The following ADAD2 variants were observed in gnomAD, a reference collection of about 807,000 sequenced individuals.
ADAD2 encodes the protein adenosine deaminase domain-containing protein 2.
In ADAD2, 60 loss-of-function variants were observed where a neutral mutation model predicts 54.5. The ratio of observed to expected loss-of-function variants is 1.10; its 90% CI spans 0.89 to 1.36. The LOEUF (loss-of-function observed/expected upper bound fraction) is 1.36, where lower values mean the gene tolerates loss of function less well. ADAD2 is among the 40% of genes most tolerant of loss of function. The pLI, the probability that ADAD2 is intolerant of heterozygous loss-of-function variation, is 0.00. For missense variants in ADAD2, 1,103 were observed against 801.3 expected (o/e 1.38, Z -4.54); for synonymous variants, 543 against 366.2 (o/e 1.48, Z -5.51).
rs1396462792 is a variant in ADAD2, at chr16:84,191,604, C to G, written c.374C>G (p.Ala125Gly). The change falls in exon 1 of 10, where the codon GCC becomes GGC. Residue 125 changes from alanine to glycine, a missense_variant. By Grantham distance (60) the Ala-to-Gly change is moderately conservative (BLOSUM62 0). Transcript: ENST00000315906. ...GTGTCCTTGCTCACGGAGTACGCGG[C>G]CAGCCTGGGCATCTTCCTGCTCTTC... ...QAVSLLTEYA[A>G]SLGIFLLFRE... 2 of 1,552,578 alleles carry G rather than the reference C, an allele frequency of 1.3e-6. No individual in the cohort carries two copies. Among genetic ancestry groups the G allele is most frequent in the Non-Finnish European group, 1.7e-6 (2 of 1,148,328 alleles).
chr16:84,193,879 G>C, intron 1 of ADAD2: 1 of 1,062,942 alleles, frequency 9.4e-7, no homozygotes, highest in Non-Finnish European at 1.3e-6. Context: ...GGCAGTCCTT[G>C]GGAGAAACAA....
At chr16:84,191,875 C>T (rs1240734741) in intron 1 of ADAD2, 5 of 675,472 alleles carry the variant, frequency 7.4e-6, no homozygotes, top group African/African-American at 7.2e-5. Flanking sequence ...GTGAAAGAGT[C>T]ATGGCAGGTG....
Position 84,195,610 on chromosome 16 carries a change from G to C in ADAD2, c.965G>C (p.Gly322Ala), listed in dbSNP as rs1321808641. The C allele has an allele frequency of 1.2e-6, 2 of 1,604,716 alleles. No homozygotes were observed. The highest frequency in any genetic ancestry group is 8.5e-7 in the Non-Finnish European group (1 of 1,176,018). ...KEQSVLAPQP[G>A]PGPPFTLKPR... is the part of the protein sequence containing the mutation. ...CAGTCCGTGCTGGCCCCCCAGCCAG[G>C]GCCCGGACCCCCATTCACCCTCAAG... Residue 322 changes from glycine to alanine, a missense_variant, in exon 6 of 10, where the codon GGG (glycine) becomes GCG (alanine). Physicochemically the swap from Gly to Ala is moderately conservative, Grantham distance 60. Transcript: ENST00000315906.
chr16:84,193,795 T>C (rs1423927557), intron 1 of ADAD2: 1 of 498,090 alleles, frequency 2.0e-6, no homozygotes, highest in Non-Finnish European at 3.5e-6. Flanking sequence ...TTGATGCCTG[T>C]TTAGAGCAGA....
Position 84,191,523 on chromosome 16 carries a change from C to T in ADAD2, c.293C>T (p.Pro98Leu). ...GEQMGKAPRV[P>L]VPPAGLSLPL... Reference sequence around the variant, plus strand: ...CAGATGGGGAAGGCCCCGAGGGTCCCTGTGCCCCCAGCAGGGCTCAGCCTG... The same window carrying T: ...CAGATGGGGAAGGCCCCGAGGGTCCTTGTGCCCCCAGCAGGGCTCAGCCTG... The change falls in exon 1 of 10, where the codon CCT becomes CTT. Residue 98 changes from proline (P) to leucine (L), a missense_variant. By Grantham distance (98) the Pro-to-Leu change is moderately conservative (BLOSUM62 -3). Coordinates refer to ENST00000315906, the MANE Select transcript of ADAD2 (RefSeq NM_001145400.2). 6.5e-7 allele frequency: 1 copy of T among 1,546,182 alleles called. No homozygotes were observed. The highest frequency in any genetic ancestry group is 8.7e-7 in the Non-Finnish European group (1 of 1,146,570).
At position 84,194,524 on chromosome 16, in the gene ADAD2, C is replaced by G. The variant is rs374863228; in HGVS notation, c.501C>G (p.Ala167=). 132 of 1,612,090 alleles carry G rather than the reference C, an allele frequency of 8.2e-5. No individual in the cohort carries two copies. The African/African-American group carries it at 1.7e-3, about 20-fold the overall frequency. Residue 167 remains alanine, a synonymous_variant, in exon 2 of 10, where the codon GCC becomes GCG. Coordinates refer to ENST00000315906, the MANE Select transcript of ADAD2 (RefSeq NM_001145400.2). The part of the protein sequence containing the change: ...PAGTANSKTE[A]KQQAALSALC... ...GCACTGCGAATAGCAAGACGGAGGC[C>G]AAACAGCAGGCAGCGCTCTCTGCCC...
In ADAD2 at chr16:84,191,413, C is replaced by T. The variant is rs1016408062; in HGVS notation, c.183C>T (p.Val61=). The change falls in exon 1 of 10, where the codon GTC becomes GTT. Residue 61 remains valine, a synonymous_variant. Transcript: ENST00000315906. ...GCGCGGAGGGCGGGTGGCCCCAGGTCTCGGTGTTGAGGGACAGTGGGCCTG... is the reference window on the plus strand; with the variant it reads ...GCGCGGAGGGCGGGTGGCCCCAGGTTTCGGTGTTGAGGGACAGTGGGCCTG... ...TYRAEGGWPQ[V]SVLRDSGPGA... 5.3e-6 allele frequency: 8 copies of T among 1,495,398 alleles called. No homozygotes were observed. Among genetic ancestry groups the T allele is most frequent in the Non-Finnish European group, 6.2e-6 (7 of 1,126,022 alleles). 92.6% of individuals were successfully genotyped at this position (1,495,398 alleles called of 1,614,324 possible).
At chr16:84,195,779 C>A in intron 6 of ADAD2, 36 bp from the exon 7 acceptor site, 1 of 1,564,786 alleles carries the variant, frequency 6.4e-7, no homozygotes, top group Middle Eastern at 1.7e-4. Flanking sequence ...AGAAGAGCAG[C>A]CCTGAAGCTG....
At chr16:84,196,070 G>A (rs747402808) in intron 7 of ADAD2, 26 bp downstream of exon 7, 3 of 1,599,190 alleles carry the variant, frequency 1.9e-6, no homozygotes, top group African/African-American at 2.7e-5. Flanking sequence ...GGGCTGGGGG[G>A]GTGAGAAGGG....
intron 3 of ADAD2, 34 bp from the exon 4 acceptor site, chr16:84,195,035 C>T (rs2151327754): frequency 1.2e-6 from 2 of 1,612,382 alleles, no homozygotes; most frequent in African/African-American, 2.7e-5. Context: ...AGGCGTGGGC[C>T]CCCTTCTACC....
rs1161316764 is a variant in ADAD2, at chr16:84,194,088, C to T, written c.419-354C>T. The T allele has an allele frequency of 1.9e-6, 3 of 1,613,894 alleles. No individual in the cohort carries two copies. In the African/African-American group the frequency reaches 4.0e-5, roughly 22 times the overall value. ...GGCAGGTGGAAGTGCTCAGAGCCTT[C>T]CTCCTGAGAACAGGGTGGCGTGGGC... On this transcript the variant is annotated intron_variant, in intron 1 of 9. Coordinates refer to ENST00000315906, the MANE Select transcript of ADAD2 (RefSeq NM_001145400.2).
At chr16:84,191,975 G>T (rs2089662406) in intron 1 of ADAD2, 1 of 465,120 alleles carries the variant, frequency 2.1e-6, no homozygotes, top group South Asian at 2.1e-5. Flanking sequence ...AATTTAAGTT[G>T]CCGTGCTAGC....
Position 84,195,378 on chromosome 16 carries a change from G to C in ADAD2, c.816G>C (p.Trp272Cys), listed in dbSNP as rs1367337777. Residue 272 changes from tryptophan (W) to cysteine (C), a missense_variant, in exon 5 of 10, where the codon TGG (tryptophan) becomes TGC (cysteine). Physicochemically the swap from Trp to Cys is radical, Grantham distance 215. Transcript: ENST00000315906. ...LGTGSSCCAG[W>C]LEFSGQQLHD... ...CCGGCAGCAGCTGCTGTGCTGGCTG[G>C]CTGGAGTTCTCGGGCCAGCAGCTCC... The C allele has an allele frequency of 6.2e-7, 1 of 1,608,982 alleles. No individual in the cohort carries two copies. The highest frequency in any genetic ancestry group is 8.5e-7 in the Non-Finnish European group (1 of 1,179,472).
At chr16:84,196,463 AACCCCTTC>A in intron 8 of ADAD2, 93 bp downstream of exon 8, 3 of 704,792 alleles carry the variant, frequency 4.3e-6, no homozygotes, top group Non-Finnish European at 5.9e-6. Flanking sequence ...ATCCCAGCGC[AACCCCTTC>A]GCTCAACCCC....
chr16:84,194,519 G>C lies in ADAD2; in HGVS notation c.496G>C (p.Glu166Gln), dbSNP rs1374471642. ...TGCGGGCACTGCGAATAGCAAGACG[G>C]AGGCCAAACAGCAGGCAGCGCTCTC... Reference protein sequence around the residue: ...CPAGTANSKTEAKQQAALSAL... With the variant: ...CPAGTANSKTQAKQQAALSAL... The change falls in exon 2 of 10, where the codon GAG (glutamate) becomes CAG (glutamine). Residue 166 changes from glutamate (E) to glutamine (Q), a missense_variant. By Grantham distance (29) the Glu-to-Gln change is conservative. Coordinates refer to ENST00000315906, the MANE Select transcript of ADAD2 (RefSeq NM_001145400.2). 2 of 1,612,468 alleles carry C rather than the reference G, an allele frequency of 1.2e-6. No homozygotes were observed. The highest frequency in any genetic ancestry group is 8.5e-7 in the Non-Finnish European group (1 of 1,179,578).
chr16:84,197,005 GC>G lies in ADAD2; in HGVS notation c.*33del. The G allele has an allele frequency of 6.4e-7, 1 of 1,559,818 alleles. No individual in the cohort carries two copies. Among genetic ancestry groups the G allele is most frequent in the Non-Finnish European group, 8.7e-7 (1 of 1,151,918 alleles). On this transcript the variant is annotated 3_prime_UTR_variant, in exon 10 of 10. Coordinates refer to ENST00000315906, the MANE Select transcript of ADAD2 (RefSeq NM_001145400.2). ...GCCTCGGCGGGACCGAGGTCCCGGAGCCAAGCTGTACCCCTGCTGGGGGAGT... is the reference window on the plus strand; with the variant it reads ...GCCTCGGCGGGACCGAGGTCCCGGAGCAAGCTGTACCCCTGCTGGGGGAGT...
chr16:84,195,818 GC>G lies in ADAD2; in HGVS notation c.1062del (p.Thr355ProfsTer22). 4 of 1,602,160 alleles carry G rather than the reference GC, an allele frequency of 2.5e-6. No individual in the cohort carries two copies. The highest frequency in any genetic ancestry group is 1.7e-6 in the Non-Finnish European group (2 of 1,175,002). On this transcript the variant is annotated frameshift_variant, in exon 7 of 10. Coordinates refer to ENST00000315906, the MANE Select transcript of ADAD2 (RefSeq NM_001145400.2). LOFTEE classifies it high-confidence loss of function. ...TCTGTCCCCACCCGGCCCGCAGCCTGCCCCCCACCTCGGAAGGTGGCCTCCC... is the reference window on the plus strand; with the variant it reads ...TCTGTCCCCACCCGGCCCGCAGCCTGCCCCCACCTCGGAAGGTGGCCTCCC... ...PKGAARDIYL[P>X]PTSEGGLPHS...
chr16:84,191,252 G>A lies in ADAD2; in HGVS notation c.22G>A (p.Ala8Thr), dbSNP rs1286609191. Reference sequence around the variant, plus strand: ...GGCCATGGCTTCGGCTTCTCAGGGCGCTGACGACGACGGCAGTCGTAGGAA... The same window carrying A: ...GGCCATGGCTTCGGCTTCTCAGGGCACTGACGACGACGGCAGTCGTAGGAA... MASASQG[A>T]DDDGSRRKPR... Residue 8 changes from alanine (A) to threonine (T), a missense_variant, in exon 1 of 10, where the codon GCT becomes ACT. Ala to Thr is a moderately conservative substitution (Grantham distance 58, BLOSUM62 0). Transcript: ENST00000315906. 2 of 1,607,420 alleles carry A rather than the reference G, an allele frequency of 1.2e-6. No individual in the cohort carries two copies. The highest frequency in any genetic ancestry group is 2.2e-5 in the East Asian group (1 of 44,754).
rs773259201 is a variant in ADAD2, at chr16:84,195,584, G to A, written c.939G>A (p.Glu313=). 2 of 1,604,046 alleles carry A rather than the reference G, an allele frequency of 1.2e-6. No homozygotes were observed. The highest frequency in any genetic ancestry group is 1.7e-6 in the Non-Finnish European group (2 of 1,175,544). ...CACAGGGGGGCCCCAAGGGCAAGGA[G>A]CAGTCCGTGCTGGCCCCCCAGCCAG... The part of the protein sequence containing the change: ...LATQGGPKGK[E]QSVLAPQPGP... The change falls in exon 6 of 10, where the codon GAG becomes GAA. Residue 313 remains glutamate, a synonymous_variant. Coordinates refer to ENST00000315906, the MANE Select transcript of ADAD2 (RefSeq NM_001145400.2).
Sources: allele counts gnomAD v4.1 joint callset, GRCh38; gene constraint gnomAD v4.1.1; transcripts MANE v1.5; gene names NCBI Gene and HGNC (gene_info 2026-07-23, HGNC 2026-07-21).